The following PLCG1 variants were observed in gnomAD, a reference collection of about 807,000 sequenced individuals.
PLCG1 encodes the protein phospholipase C gamma 1.
Under a neutral mutation model 177.8 loss-of-function variants are expected in PLCG1, and 71 were observed. That is an observed-to-expected ratio of 0.40 (90% CI 0.33 to 0.49). The LOEUF is 0.49. Among genes scored for constraint, PLCG1 ranks in the 20% least tolerant of loss-of-function variants. The pLI, the probability that PLCG1 is intolerant of heterozygous loss-of-function variation, is 0.72. For synonymous variants in PLCG1, 658 were observed against 647.9 expected (o/e 1.02, Z -0.24); for missense variants, 1,281 against 1,709.0 (o/e 0.75, Z 4.42).
intron 1 of PLCG1, among the ~76,000 whole-genome samples, chr20:41,143,968 C>G (rs1210339859): frequency 6.6e-6 from 1 of 152,234 alleles, no homozygotes; most frequent in African/African-American, 2.4e-5. Flanking sequence ...TAAGCTCGGC[C>G]ACAAGTGGCT....
chr20:41,138,070 C>T (rs1248913009), intron 1 of PLCG1: 8 of 381,840 alleles, frequency 2.1e-5, no homozygotes, highest in Non-Finnish European at 3.2e-5. Flanking sequence ...GACACCCCCC[C>T]TCCCCCAGCT....
In PLCG1 at chr20:41,172,859, A is replaced by G. The variant is rs775753953; in HGVS notation, c.3261A>G (p.Pro1087=). The G allele has an allele frequency of 8.7e-6, 14 of 1,613,958 alleles. No homozygotes were observed. Among genetic ancestry groups the G allele is most frequent in the African/African-American group, 1.3e-5 (1 of 74,924 alleles). The change falls in exon 27 of 32, where the codon CCA becomes CCG. Residue 1087 remains proline, a synonymous_variant. Transcript: ENST00000685551. This position sits in a 1 kb window ranked among gnomAD's most constrained non-coding sequence, Gnocchi z 7.0. ...FDKSSLRGLE[P]CAISIEVLGA... ...AGAGCAGCCTCCGCGGGCTGGAGCC[A>G]TGTGCCATCTCTATTGAGGTGGGTG...
At position 41,165,011 on chromosome 20, in the gene PLCG1, G is replaced by T; in HGVS notation, c.1296G>T (p.Val432=). 5 of 1,614,194 alleles carry T rather than the reference G, an allele frequency of 3.1e-6. No homozygotes were observed. The highest frequency in any genetic ancestry group is 4.2e-6 in the Non-Finnish European group (5 of 1,180,040). ...ACATGGCCCAATACTTCAAGAAGGT[G>T]CTGGGGGACACACTCCTCACCAAGC... ...QRNMAQYFKK[V]LGDTLLTKPV... Residue 432 remains valine, a synonymous_variant, in exon 13 of 32, where the codon GTG becomes GTT. Transcript: ENST00000685551. This position sits in a 1 kb window ranked among gnomAD's most constrained non-coding sequence, Gnocchi z 6.6.
chr20:41,169,369 A>G (rs2035817956), intron 22 of PLCG1, 88 bp from the exon 23 acceptor site: 4 of 1,098,222 alleles, frequency 3.6e-6, no homozygotes, highest in South Asian at 1.3e-5. Flanking sequence ...GTACACCCAC[A>G]AGATGTATTT....
rs1401614966 is a variant in PLCG1, at chr20:41,164,095, G to A, written c.1111G>A (p.Gly371Ser). Residue 371 changes from glycine to serine, a missense_variant, in exon 12 of 32, where the codon GGC becomes AGC. Around this residue, in one of 4 missense-constraint regions of PLCG1, gnomAD observed 31 missense variants for 82.1 expected, o/e 0.38. Transcript: ENST00000685551. The surrounding 1 kb of genome is among the most constrained non-coding windows in gnomAD (Gnocchi z 6.4). ...TTGCTCCCCAGTGGACTGCTGGGAC[G>A]GCCCGGATGGGATGCCAGTTATTTA... is the stretch of plus-strand genomic sequence containing the variant. ...CRCIELDCWDGPDGMPVIYHG... is the reference protein window; with the variant it reads ...CRCIELDCWDSPDGMPVIYHG... The A allele has an allele frequency of 1.9e-6, 3 of 1,614,122 alleles. No individual in the cohort carries two copies. Among genetic ancestry groups the A allele is most frequent in the South Asian group, 1.1e-5 (1 of 91,076 alleles).
Position 41,174,743 on chromosome 20 carries a change from T to C in PLCG1, c.*234T>C. Reference sequence around the variant, plus strand: ...GCAAAAACTGTACTGTGTTTCGCATTAAGCACACACATCTGGCCCTGACTT... The same window carrying C: ...GCAAAAACTGTACTGTGTTTCGCATCAAGCACACACATCTGGCCCTGACTT... On this transcript the variant is annotated 3_prime_UTR_variant, in exon 32 of 32. Transcript: ENST00000685551. This position sits in a 1 kb window ranked among gnomAD's most constrained non-coding sequence, Gnocchi z 5.8. 1.8e-6 allele frequency: 1 copy of C among 557,196 alleles called. No homozygotes were observed. Among genetic ancestry groups the C allele is most frequent in the Non-Finnish European group, 3.2e-6 (1 of 309,140 alleles). 34.5% of individuals were successfully genotyped at this position (557,196 alleles called of 1,614,324 possible).
intron 1 of PLCG1, among the ~76,000 whole-genome samples, chr20:41,154,533 G>A (rs1043010611): frequency 6.6e-6 from 1 of 152,074 alleles, no homozygotes; most frequent in African/African-American, 2.4e-5. Flanking sequence ...GCACATCCTC[G>A]TGGTGGCCAG....
In PLCG1 at chr20:41,159,941, C is replaced by T. The variant is rs1418502454; in HGVS notation, c.442C>T (p.Pro148Ser). The stretch of plus-strand genomic sequence containing the variant: ...GCTGATGGAGGATACATTGCAGGCA[C>T]CCACACCCCTGCAGATTGAGAGGTA... ...TWLMEDTLQA[P>S]TPLQIERWLR... is the part of the protein sequence containing the mutation. The change falls in exon 3 of 32, where the codon CCC becomes TCC. Residue 148 changes from proline to serine, a missense_variant. By Grantham distance (74) the Pro-to-Ser change is moderately conservative. This residue lies in a region of PLCG1 where 374 missense variants were observed against 443.8 expected (regional missense o/e 0.84). Transcript: ENST00000685551. The surrounding 1 kb of genome is among the most constrained non-coding windows in gnomAD (Gnocchi z 6.0). The T allele has an allele frequency of 1.9e-6, 3 of 1,613,300 alleles. No individual in the cohort carries two copies. The highest frequency in any genetic ancestry group is 2.2e-5 in the East Asian group (1 of 44,890).
chr20:41,164,931 A>G lies in PLCG1; in HGVS notation c.1218-2A>G, dbSNP rs1255659667. ...TCACTGTGCTTGTCCCCCATCCCGC[A>G]GGTACCCAGTCATCCTGTCCATTGA... On this transcript the variant is annotated splice_acceptor_variant, in intron 12 of 31. Coordinates refer to ENST00000685551, the MANE Select transcript of PLCG1 (RefSeq NM_002660.3). LOFTEE classifies it high-confidence loss of function. The surrounding 1 kb of genome is among the most constrained non-coding windows in gnomAD (Gnocchi z 6.4). 6.2e-7 allele frequency: 1 copy of G among 1,612,706 alleles called. No individual in the cohort carries two copies. The highest frequency in any genetic ancestry group is 1.7e-5 in the Admixed American group (1 of 59,926).
rs1765203650 is a variant in PLCG1 at position 41,172,667 on chromosome 20, A to C, written c.3130+22A>C. 6.2e-7 allele frequency: 1 copy of C among 1,612,608 alleles called. No homozygotes were observed. Among genetic ancestry groups the C allele is most frequent in the Admixed American group, 1.7e-5 (1 of 59,976 alleles). On this transcript the variant is annotated intron_variant, in intron 26 of 31. Transcript: ENST00000685551. This position sits in a 1 kb window ranked among gnomAD's most constrained non-coding sequence, Gnocchi z 7.0. ...CCTGGTGAGGAAGTCCCCTGTGAGG[A>C]GGGTGAGGAGGGGCACTGTGGGGCA...
In PLCG1 at chr20:41,146,473, G is replaced by A. The variant is rs908066490; in HGVS notation, c.217+8615G>A. Among the ~76,000 whole-genome samples the A allele has an allele frequency of 2.6e-5, 4 of 152,232 alleles. No individual in the cohort carries two copies. The highest frequency in any genetic ancestry group is 1.9e-4 in the East Asian group (1 of 5,194). Reference sequence around the variant, plus strand: ...TACAAAGGCTGTGAGGGGCCTGGGCGCAAGGCAGCAAGGCTTGGGTACGGA... The same window carrying A: ...TACAAAGGCTGTGAGGGGCCTGGGCACAAGGCAGCAAGGCTTGGGTACGGA... On this transcript the variant is annotated intron_variant, in intron 1 of 31. Transcript: ENST00000685551. This position sits in a 1 kb window ranked among gnomAD's most constrained non-coding sequence, Gnocchi z 6.3.
At chr20:41,162,235 GTTTTTTTTTT>G (rs11426520) in intron 4 of PLCG1, 8 of 143,644 alleles carry the variant, frequency 5.6e-5, no homozygotes, top group South Asian at 2.4e-4. Context: ...TTTTGTTTTT[GTTTTTTTTTT>G]TTTTTTTTTT....
intron 1 of PLCG1, among the ~76,000 whole-genome samples, chr20:41,158,202 C>G (rs1481722284): frequency 7.9e-5 from 12 of 152,010 alleles, no homozygotes; most frequent in Non-Finnish European, 1.3e-4. Flanking sequence ...AGGAAGAGAG[C>G]ATCTGGGGGA....
chr20:41,147,042 T>G lies in PLCG1; in HGVS notation c.217+9184T>G, dbSNP rs1451865274. ...ATGGGGGCAGGGGTGATGGTCCTTCTCTGAGGCACTGAAGACCCACTTTAT... is the reference window on the plus strand; with the variant it reads ...ATGGGGGCAGGGGTGATGGTCCTTCGCTGAGGCACTGAAGACCCACTTTAT... On this transcript the variant is annotated intron_variant, in intron 1 of 31. Coordinates refer to ENST00000685551, the MANE Select transcript of PLCG1 (RefSeq NM_002660.3). The surrounding 1 kb of genome is among the most constrained non-coding windows in gnomAD (Gnocchi z 4.0). Among the ~76,000 whole-genome samples the G allele has an allele frequency of 6.6e-6, 1 of 152,166 alleles. No individual in the cohort carries two copies. The highest frequency in any genetic ancestry group is 1.5e-5 in the Non-Finnish European group (1 of 68,040).
In PLCG1 at chr20:41,156,152, T is replaced by G. The variant is rs1415268074; in HGVS notation, c.218-3454T>G. On this transcript the variant is annotated intron_variant, in intron 1 of 31. Transcript: ENST00000685551. This position sits in a 1 kb window ranked among gnomAD's most constrained non-coding sequence, Gnocchi z 5.0. ...TGGTCCCTCATTACTTCAGAGCCCC[T>G]TAAGAAAGACTGAATCTATTTCTTC... Among the ~76,000 whole-genome samples, 1 of 152,188 alleles carries G rather than the reference T, an allele frequency of 6.6e-6. No individual in the cohort carries two copies. The highest frequency in any genetic ancestry group is 1.5e-5 in the Non-Finnish European group (1 of 68,022).
rs746221051 is a variant in PLCG1, at chr20:41,147,952, G to A, written c.217+10094G>A. Among the ~76,000 whole-genome samples, 3 of 152,162 alleles carry A rather than the reference G, an allele frequency of 2.0e-5. No homozygotes were observed. The highest frequency in any genetic ancestry group is 2.1e-4 in the South Asian group (1 of 4,816). ...ATCAGAGTCTAGATCACTCACTGGG[G>A]CCCTGTTTCCCAGGAAGCAAAAAGG... On this transcript the variant is annotated intron_variant, in intron 1 of 31. Coordinates refer to ENST00000685551, the MANE Select transcript of PLCG1 (RefSeq NM_002660.3). This position sits in a 1 kb window ranked among gnomAD's most constrained non-coding sequence, Gnocchi z 4.0.
In PLCG1 at chr20:41,160,181, A is replaced by C; in HGVS notation, c.512+28A>C. 1.2e-6 allele frequency: 2 copies of C among 1,609,632 alleles called. No homozygotes were observed. Among genetic ancestry groups the C allele is most frequent in the Non-Finnish European group, 8.5e-7 (1 of 1,176,054 alleles). On this transcript the variant is annotated intron_variant, in intron 4 of 31. Transcript: ENST00000685551. This position sits in a 1 kb window ranked among gnomAD's most constrained non-coding sequence, Gnocchi z 5.5. ...AAGTACTGAGCTGTGGCTGTAGCCC[A>C]GCAGGGTGGGGATGGGCATCCAGAA...
rs762947134 is a variant in PLCG1 at position 41,163,685 on chromosome 20, G to C, written c.892-30G>C. On this transcript the variant is annotated intron_variant, in intron 9 of 31. Coordinates refer to ENST00000685551, the MANE Select transcript of PLCG1 (RefSeq NM_002660.3). The surrounding 1 kb of genome is among the most constrained non-coding windows in gnomAD (Gnocchi z 5.2). Reference sequence around the variant, plus strand: ...GGGTTGGACAGGGCAGGGACTCACTGTCTCTTCCCTTCCACATGTTTCTGG... The same window carrying C: ...GGGTTGGACAGGGCAGGGACTCACTCTCTCTTCCCTTCCACATGTTTCTGG... The C allele has an allele frequency of 6.9e-7, 1 of 1,458,768 alleles. No individual in the cohort carries two copies. Among genetic ancestry groups the C allele is most frequent in the Non-Finnish European group, 9.6e-7 (1 of 1,038,282 alleles). The allele number at this position is 1,458,768 out of a possible 1,614,324, so 90.4% of individuals were successfully genotyped here. A position where few individuals can be genotyped will look rare whatever the true frequency, so the allele number is the denominator to read the frequency against.
Position 41,146,171 on chromosome 20 carries a change from C to T in PLCG1, c.217+8313C>T, listed in dbSNP as rs1353591874. 6.6e-6 allele frequency among the ~76,000 whole-genome samples: 1 copy of T among 152,234 alleles called. No individual in the cohort carries two copies. The highest frequency in any genetic ancestry group is 1.5e-5 in the Non-Finnish European group (1 of 68,040). Reference sequence around the variant, plus strand: ...AGGGCGTTCTCCTACAGAAGACTGGCATCCCTTTTTACTGAGCCCAGGCCT... The same window carrying T: ...AGGGCGTTCTCCTACAGAAGACTGGTATCCCTTTTTACTGAGCCCAGGCCT... On this transcript the variant is annotated intron_variant, in intron 1 of 31. Transcript: ENST00000685551. The surrounding 1 kb of genome is among the most constrained non-coding windows in gnomAD (Gnocchi z 6.3).
Sources: gnomAD v4.1 joint callset for allele counts (sites outside exome capture counted in the v4.1 genomes callset) on GRCh38, gnomAD v4.1.1 for gene constraint, gnomAD v4.1.1 regional missense constraint, Gnocchi (gnomAD v3.1) non-coding constraint, MANE v1.5 for transcripts, NCBI Gene and HGNC (gene_info 2026-07-23, HGNC 2026-07-21) for gene names.